The following SGCG variants were observed in gnomAD, a reference collection of about 807,000 sequenced individuals.
SGCG encodes the protein gamma-sarcoglycan.
In SGCG, 26 loss-of-function variants were observed where a neutral mutation model predicts 29.3. The observed-to-expected ratio is 0.89, with a 90% CI of 0.65 to 1.23. The LOEUF is 1.23. Among genes scored for constraint, SGCG ranks in the 50% most tolerant of loss-of-function variants. The pLI, the probability that SGCG is intolerant of heterozygous loss-of-function variation, is 0.00. For missense variants in SGCG, 353 were observed against 356.0 expected (o/e 0.99, Z 0.07); for synonymous variants, 145 against 129.7 (o/e 1.12, Z -0.80).
rs1023059669 is a variant in SGCG at position 23,325,136 on chromosome 13, T to C, written c.*595T>C. 1.9e-5 allele frequency: 3 copies of C among 156,038 alleles called. No individual in the cohort carries two copies. Among genetic ancestry groups the C allele is most frequent in the African/African-American group, 7.2e-5 (3 of 41,458 alleles). The allele number at this position is 156,038 out of a possible 1,614,324, so 9.7% of individuals were successfully genotyped here. ...AATTAAACTTTCTGTATATAGTCAA[T>C]AAGCAATAAAAACCTCATTTTTCAG... On this transcript the variant is annotated 3_prime_UTR_variant, in exon 8 of 8. Transcript: ENST00000218867.
rs546996927 is a variant in SGCG at position 23,182,870 on chromosome 13, C to T, written c.-1+1795C>T. ...TGAACCTCTAGAAAAGGAGAGCAGC[C>T]CAGTCACATGGGTGCTTTGGAAGGA... is the stretch of plus-strand genomic sequence containing the variant. On this transcript the variant is annotated intron_variant, in intron 1 of 7. Coordinates refer to ENST00000218867, the MANE Select transcript of SGCG (RefSeq NM_000231.3). Among the ~76,000 whole-genome samples the T allele has an allele frequency of 2.0e-5, 3 of 152,244 alleles. No homozygotes were observed. The South Asian group carries it at 6.2e-4, about 32-fold the overall frequency.
chr13:23,250,760 A>G (rs760220756), intron 4 of SGCG, 43 bp downstream of exon 4: 2 of 1,079,642 alleles, frequency 1.9e-6, no homozygotes, highest in Non-Finnish European at 2.9e-6. Context: ...CATGTTGTCC[A>G]TGAATAGTGC....
At chr13:23,271,612 A>G (rs1215485845) in intron 4 of SGCG, among the ~76,000 whole-genome samples, 1 of 152,152 alleles carries the variant, frequency 6.6e-6, no homozygotes, top group East Asian at 1.9e-4. Context: ...TTTAATGTCT[A>G]GTGGGGCTGG....
At chr13:23,274,525 C>T (rs1880996835) in intron 4 of SGCG, among the ~76,000 whole-genome samples, 1 of 150,946 alleles carries the variant, frequency 6.6e-6, no homozygotes, top group African/African-American at 2.4e-5. Flanking sequence ...CAGGTTGACG[C>T]CATTCTCCTG....
the SGCG span, among the ~76,000 whole-genome samples, chr13:23,173,473 T>G: frequency 6.6e-6 from 1 of 152,208 alleles, no homozygotes; most frequent in Admixed American, 6.5e-5. Context: ...TCCAAAGATT[T>G]TCAATGGCCA....
intron 5 of SGCG, among the ~76,000 whole-genome samples, chr13:23,287,445 A>G (rs1288539277): frequency 6.6e-6 from 1 of 152,188 alleles, no homozygotes; most frequent in African/African-American, 2.4e-5. Context: ...CAGAAGGTAG[A>G]GTCTGGCCCT....
At chr13:23,314,260 T>C (rs1402421083) in intron 6 of SGCG, among the ~76,000 whole-genome samples, 2 of 148,834 alleles carry the variant, frequency 1.3e-5, no homozygotes, top group Non-Finnish European at 3.0e-5. Context: ...CAGGGTTCCC[T>C]AGAGGGACAG....
At chr13:23,242,585 T>C (rs1040574086) in intron 3 of SGCG, among the ~76,000 whole-genome samples, 1 of 152,190 alleles carries the variant, frequency 6.6e-6, no homozygotes, top group African/African-American at 2.4e-5. Context: ...CAGAGTTCAA[T>C]TGAGATGAAT....
At chr13:23,192,053 TA>T (rs1306356986) in intron 1 of SGCG, among the ~76,000 whole-genome samples, 10 of 151,490 alleles carry the variant, frequency 6.6e-5, no homozygotes, top group Non-Finnish European at 1.5e-4. Context: ...CGGGCTCCTG[TA>T]GTCCCAGCTA....
At chr13:23,186,608 T>G (rs971174411) in intron 1 of SGCG, among the ~76,000 whole-genome samples, 15 of 152,104 alleles carry the variant, frequency 9.9e-5, no homozygotes, top group African/African-American at 3.4e-4. Context: ...GCCATAATGG[T>G]CATTGATTTT....
At chr13:23,228,313 T>C (rs1299608376) in intron 2 of SGCG, among the ~76,000 whole-genome samples, 1 of 152,256 alleles carries the variant, frequency 6.6e-6, no homozygotes, top group African/African-American at 2.4e-5. Flanking sequence ...GGCATCTTCT[T>C]TTTATTTCAA....
chr13:23,174,328 C>G, the SGCG span, among the ~76,000 whole-genome samples: 1 of 152,126 alleles, frequency 6.6e-6, no homozygotes, highest in Non-Finnish European at 1.5e-5. Flanking sequence ...GTCATGATTA[C>G]TACAAGTTTG....
chr13:23,251,254 C>G (rs1447275162), intron 4 of SGCG, among the ~76,000 whole-genome samples: 1 of 152,194 alleles, frequency 6.6e-6, no homozygotes, highest in Non-Finnish European at 1.5e-5. Flanking sequence ...CAACATCAAA[C>G]AGTTTAGTCT....
In SGCG at chr13:23,208,391, T is replaced by C. The variant is rs189020687; in HGVS notation, c.195+4502T>C. ...ACAGTAAAACTAACTACAAATGATATATTCAAAAATGCCCAGATAACATTA... is the reference window on the plus strand; with the variant it reads ...ACAGTAAAACTAACTACAAATGATACATTCAAAAATGCCCAGATAACATTA... On this transcript the variant is annotated intron_variant, in intron 2 of 7. Transcript: ENST00000218867. 2.9e-3 allele frequency among the ~76,000 whole-genome samples: 446 copies of C among 152,250 alleles called. 2 individuals carry two copies. The highest frequency in any genetic ancestry group is 0.01 in the African/African-American group (434 of 41,564).
chr13:23,306,671 C>T (rs887325860), intron 6 of SGCG, among the ~76,000 whole-genome samples: 1 of 152,144 alleles, frequency 6.6e-6, no homozygotes, highest in Admixed American at 6.5e-5. Context: ...CTTAAGTCTT[C>T]TTAACTTGAA....
chr13:23,233,472 T>A (rs537377417), intron 2 of SGCG, among the ~76,000 whole-genome samples: 7 of 152,250 alleles, frequency 4.6e-5, no homozygotes, highest in African/African-American at 1.4e-4. Flanking sequence ...AATTACATAT[T>A]AAAACTTTAA....
At position 23,320,736 on chromosome 13, in the gene SGCG, T is replaced by C; in HGVS notation, c.678T>C (p.Ile226=). ...GKIEALSQMD[I]LFHSSDGMLV... is the part of the protein sequence containing the mutation. The stretch of plus-strand genomic sequence containing the variant: ...TTGAGGCGCTTTCTCAAATGGATAT[T>C]CTTTTTCATAGTAGTGATGGAATGG... Residue 226 remains isoleucine, a synonymous_variant, in exon 7 of 8, where the codon ATT becomes ATC. Coordinates refer to ENST00000218867, the MANE Select transcript of SGCG (RefSeq NM_000231.3). 1 of 1,613,818 alleles carries C rather than the reference T, an allele frequency of 6.2e-7. No individual in the cohort carries two copies. Among genetic ancestry groups the C allele is most frequent in the Non-Finnish European group, 8.5e-7 (1 of 1,179,840 alleles).
rs34614476 is a variant in SGCG, at chr13:23,223,965, CA to C, written c.196-10637del. The stretch of plus-strand genomic sequence containing the variant: ...TGGGCAACAAAGCAAGACTCCATCT[CA>C]AAAAAAAAGATAAGAGGGAGATTCA... On this transcript the variant is annotated intron_variant, in intron 2 of 7. Transcript: ENST00000218867. Among the ~76,000 whole-genome samples the C allele has an allele frequency of 4.7e-5, 7 of 150,090 alleles. No homozygotes were observed. The East Asian group carries it at 9.8e-4, about 21-fold the overall frequency.
At chr13:23,247,404 G>A (rs879637260) in intron 3 of SGCG, among the ~76,000 whole-genome samples, 4 of 152,098 alleles carry the variant, frequency 2.6e-5, no homozygotes, top group Admixed American at 2.6e-4. Context: ...GGAAGGCTAA[G>A]GTAAACTGCC....
Sources: gnomAD v4.1 joint callset for allele counts (sites outside exome capture counted in the v4.1 genomes callset) on GRCh38, gnomAD v4.1.1 for gene constraint, MANE v1.5 for transcripts, NCBI Gene and HGNC (gene_info 2026-07-23, HGNC 2026-07-21) for gene names.